The following GMDS variants were observed in gnomAD, a reference collection of about 807,000 sequenced individuals.
The protein encoded by GMDS is GDP-mannose 4,6-dehydratase.
A neutral mutation model predicts 49.9 loss-of-function variants in GMDS; 20 were observed. That is an observed-to-expected ratio of 0.40 (90% confidence interval 0.28 to 0.58). The LOEUF is 0.58. Among genes scored for constraint, GMDS ranks in the 20% least tolerant of loss-of-function variants. The probability of loss-of-function intolerance (pLI) is 0.42; values close to 1 mark genes in which losing one functional copy is unlikely to be tolerated. For synonymous variants in GMDS, 177 were observed against 178.6 expected (o/e 0.99, Z 0.07); for missense variants, 362 against 481.4 (o/e 0.75, Z 2.32).
chr6:1,755,137 GTC>G (rs1364225163), intron 7 of GMDS, among the ~76,000 whole-genome samples: 1 of 152,154 alleles, frequency 6.6e-6, no homozygotes, highest in Non-Finnish European at 1.5e-5. Context: ...AAACCCCACT[GTC>G]TCAGCCCAAA....
intron 1 of GMDS, among the ~76,000 whole-genome samples, chr6:2,235,163 G>A (rs1448759321): frequency 1.3e-5 from 2 of 152,082 alleles, no homozygotes; most frequent in African/African-American, 2.4e-5. Context: ...GTGATGATAC[G>A]TGTACACAAA....
intron 4 of GMDS, among the ~76,000 whole-genome samples, chr6:2,025,025 A>T (rs893899265): frequency 3.3e-5 from 5 of 152,024 alleles, no homozygotes; most frequent in African/African-American, 1.2e-4. Context: ...CACCAAAAGG[A>T]TATGATAATC....
intron 9 of GMDS, among the ~76,000 whole-genome samples, chr6:1,667,378 T>C (rs999205907): frequency 1.1e-3 from 160 of 152,206 alleles, no homozygotes; most frequent in African/African-American, 3.5e-3. Flanking sequence ...ACCTGAGTGG[T>C]TGATGAGACC....
chr6:1,683,225 A>G (rs970416323), intron 9 of GMDS, among the ~76,000 whole-genome samples: 13 of 151,886 alleles, frequency 8.6e-5, no homozygotes, highest in Non-Finnish European at 1.3e-4. Flanking sequence ...CCGGGTTCAC[A>G]CCATTCTCCT....
At chr6:1,984,416 A>G (rs1490034528) in intron 4 of GMDS, among the ~76,000 whole-genome samples, 2 of 151,958 alleles carry the variant, frequency 1.3e-5, no homozygotes, top group Non-Finnish European at 2.9e-5. Flanking sequence ...GCCTCCAAAA[A>G]CAAGAGAAAT....
chr6:1,991,597 T>C (rs947746468), intron 4 of GMDS, among the ~76,000 whole-genome samples: 1 of 152,178 alleles, frequency 6.6e-6, no homozygotes, highest in African/African-American at 2.4e-5. Flanking sequence ...CCCCAGGACT[T>C]TGATCACTTC....
chr6:2,000,802 T>C (rs534911625), intron 4 of GMDS, among the ~76,000 whole-genome samples: 5 of 152,312 alleles, frequency 3.3e-5, no homozygotes, highest in South Asian at 2.1e-4. Context: ...ACTGGAACTA[T>C]AGGCATACAC....
intron 7 of GMDS, among the ~76,000 whole-genome samples, chr6:1,775,767 G>A (rs1171267674): frequency 2.0e-5 from 3 of 152,124 alleles, no homozygotes; most frequent in South Asian, 4.2e-4. Context: ...TTCAAAACAC[G>A]GTTCTTTGAA....
intron 6 of GMDS, among the ~76,000 whole-genome samples, chr6:1,956,123 T>C (rs1763623726): frequency 6.6e-6 from 1 of 152,188 alleles, no homozygotes; most frequent in East Asian, 1.9e-4. Context: ...AAAGACTACC[T>C]TGCTACCATA....
At chr6:1,653,606 C>T (rs560938562) in intron 9 of GMDS, among the ~76,000 whole-genome samples, 17 of 152,106 alleles carry the variant, frequency 1.1e-4, no homozygotes, top group East Asian at 5.8e-4. Flanking sequence ...AAGACAGACG[C>T]GGATACGAAG....
rs118165174 is a variant in GMDS at position 2,037,568 on chromosome 6, C to A, written c.346-76602G>T. Among the ~76,000 whole-genome samples, 14 of 152,234 alleles carry A rather than the reference C, an allele frequency of 9.2e-5. No homozygotes were observed. The East Asian group carries it at 2.5e-3, about 27-fold the overall frequency. ...ACGAGAAGTACAATCCTATCTTGTG[C>A]CCAGAACAAGAAACCAAACATCGGT... On this transcript the variant is annotated intron_variant, in intron 4 of 10. Transcript: ENST00000380815.
chr6:2,151,039 T>A (rs1233371273), intron 1 of GMDS, among the ~76,000 whole-genome samples: 1 of 152,152 alleles, frequency 6.6e-6, no homozygotes, highest in East Asian at 1.9e-4. Flanking sequence ...GTCTATAAGG[T>A]AATATTAGCT....
intron 9 of GMDS, among the ~76,000 whole-genome samples, chr6:1,685,932 T>C (rs1764960442): frequency 6.6e-6 from 1 of 152,218 alleles, no homozygotes; most frequent in African/African-American, 2.4e-5. Context: ...AAGTCTTCCT[T>C]TGGCATAGAC....
rs115242691 is a variant in GMDS, at chr6:1,871,317, C to T, written c.771+58786G>A. Reference sequence around the variant, plus strand: ...GATATATTAAAAACCTACGTAAATACGTTTAAGGAAAGAAAAAGAGTAGGT... The same window carrying T: ...GATATATTAAAAACCTACGTAAATATGTTTAAGGAAAGAAAAAGAGTAGGT... On this transcript the variant is annotated intron_variant, in intron 7 of 10. Coordinates refer to ENST00000380815, the MANE Select transcript of GMDS (RefSeq NM_001500.4). Among the ~76,000 whole-genome samples the T allele has an allele frequency of 5.1e-3, 772 of 151,916 alleles. 10 individuals carry two copies. The highest frequency in any genetic ancestry group is 0.018 in the African/African-American group (724 of 41,354).
intron 7 of GMDS, among the ~76,000 whole-genome samples, chr6:1,787,731 A>G (rs934789064): frequency 2.0e-5 from 3 of 152,236 alleles, no homozygotes; most frequent in African/African-American, 7.2e-5. Flanking sequence ...GTAGAAACAA[A>G]GCCCACATCA....
At chr6:1,841,987 T>C (rs776811582) in intron 7 of GMDS, among the ~76,000 whole-genome samples, 1 of 152,180 alleles carries the variant, frequency 6.6e-6, no homozygotes, top group Non-Finnish European at 1.5e-5. Flanking sequence ...CAATTCGGAA[T>C]GGCATTCAGA....
At chr6:2,105,181 C>CAAAA (rs530164439) in intron 4 of GMDS, among the ~76,000 whole-genome samples, 435 of 64,214 alleles carry the variant, frequency 6.8e-3, no homozygotes, top group Non-Finnish European at 8.9e-3. Flanking sequence ...GACTCCGTCT[C>CAAAA]AAAAAAAAAA....
intron 4 of GMDS, among the ~76,000 whole-genome samples, chr6:2,092,367 A>ACAT (rs1773368657): frequency 1.3e-5 from 2 of 152,204 alleles, no homozygotes; most frequent in East Asian, 3.9e-4. Context: ...ATTTTCCCTG[A>ACAT]CATCACTCTT....
chr6:1,803,534 C>T (rs1041283002), intron 7 of GMDS, among the ~76,000 whole-genome samples: 42 of 152,172 alleles, frequency 2.8e-4, no homozygotes, highest in South Asian at 1.2e-3. Context: ...AAGGTGGAGG[C>T]TCCCCTTTAG....
Sources: allele counts gnomAD v4.1 joint callset (sites outside exome capture counted in the v4.1 genomes callset), GRCh38; gene constraint gnomAD v4.1.1; transcripts MANE v1.5; gene names NCBI Gene and HGNC (gene_info 2026-07-23, HGNC 2026-07-21).